Variants in NFIB observed in about 807,000 individuals in gnomAD.
NFIB encodes the protein nuclear factor I B.
NFIB carries 11 observed loss-of-function variants against 61.5 expected under a neutral mutation model. That is an observed-to-expected ratio of 0.18 (90% CI 0.11 to 0.30). The LOEUF (loss-of-function observed/expected upper bound fraction) is 0.30, where lower values mean the gene tolerates loss of function less well. Among genes scored for constraint, NFIB ranks in the 10% least tolerant of loss-of-function variants. The pLI, the probability that NFIB is intolerant of heterozygous loss-of-function variation, is 1.00. For missense variants in NFIB, 471 were observed against 608.9 expected (o/e 0.77, Z 2.38); for synonymous variants, 260 against 216.5 (o/e 1.20, Z -1.76).
chr9:14,415,639 T>C, the NFIB span, among the ~76,000 whole-genome samples: 1 of 152,176 alleles, frequency 6.6e-6, no homozygotes, highest in Non-Finnish European at 1.5e-5. Context: ...ATCTGTTAAT[T>C]AGAGACATGA....
chr9:14,249,132 T>C (rs2055281155), intron 2 of NFIB, among the ~76,000 whole-genome samples: 2 of 152,202 alleles, frequency 1.3e-5, no homozygotes, highest in Non-Finnish European at 2.9e-5. Flanking sequence ...AATAAGAACT[T>C]AGTGATAAGA....
intron 2 of NFIB, among the ~76,000 whole-genome samples, chr9:14,302,980 T>A (rs1173836673): frequency 2.0e-5 from 3 of 152,244 alleles, no homozygotes; most frequent in Non-Finnish European, 2.9e-5. Flanking sequence ...TTTCCCAGTG[T>A]ACAAAATTGT....
chr9:14,272,052 C>A (rs1164296090), intron 2 of NFIB, among the ~76,000 whole-genome samples: 1 of 152,074 alleles, frequency 6.6e-6, no homozygotes, highest in African/African-American at 2.4e-5. Flanking sequence ...ATCCAGTGGC[C>A]ATTAAAAAAT....
intron 1 of NFIB, among the ~76,000 whole-genome samples, chr9:14,367,270 A>G (rs751770552): frequency 2.0e-5 from 3 of 152,168 alleles, no homozygotes; most frequent in Non-Finnish European, 2.9e-5. Context: ...GACAGTTTCC[A>G]TAGTGAACTC....
upstream of NFIB, among the ~76,000 whole-genome samples, chr9:14,318,056 A>G (rs1329588168): frequency 2.6e-5 from 4 of 152,188 alleles, no homozygotes; most frequent in Non-Finnish European, 5.9e-5. Flanking sequence ...GGTTAAAAGC[A>G]CTGGTGTGAC....
chr9:14,447,901 C>T, the NFIB span, among the ~76,000 whole-genome samples: 1 of 152,064 alleles, frequency 6.6e-6, no homozygotes, highest in Non-Finnish European at 1.5e-5. Flanking sequence ...TGCTTTTTCA[C>T]ATATTTAGAC....
the NFIB span, among the ~76,000 whole-genome samples, chr9:14,491,832 G>C: frequency 6.6e-6 from 1 of 151,924 alleles, no homozygotes; most frequent in Non-Finnish European, 1.5e-5. Context: ...TCATAAAGGA[G>C]GCCCAAAATA....
At chr9:14,491,355 CTG>C in the NFIB span, among the ~76,000 whole-genome samples, 1 of 152,002 alleles carries the variant, frequency 6.6e-6, no homozygotes. Flanking sequence ...AACACATAAA[CTG>C]AGGATAAATA....
chr9:14,460,942 G>C, the NFIB span, among the ~76,000 whole-genome samples: 1 of 151,936 alleles, frequency 6.6e-6, no homozygotes, highest in Non-Finnish European at 1.5e-5. Flanking sequence ...TAGGACCCAA[G>C]CTCCACACCA....
At chr9:14,195,443 T>G (rs2048368183) in intron 2 of NFIB, among the ~76,000 whole-genome samples, 1 of 152,268 alleles carries the variant, frequency 6.6e-6, no homozygotes, top group African/African-American at 2.4e-5. Flanking sequence ...TCAAGCTAAT[T>G]TTGTGAGCAC....
chr9:14,248,578 C>CT lies in NFIB; in HGVS notation c.562+58410dup, dbSNP rs2055207789. Among the ~76,000 whole-genome samples, 4 of 152,118 alleles carry CT rather than the reference C, an allele frequency of 2.6e-5. No homozygotes were observed. In the South Asian group the frequency reaches 8.3e-4, roughly 32 times the overall value. On this transcript the variant is annotated intron_variant, in intron 2 of 10. Coordinates refer to ENST00000380953, the MANE Select transcript of NFIB (RefSeq NM_001190737.2). Reference sequence around the variant, plus strand: ...GAGCCACCACGCCCGGCCTCTATTACTTTTTGTTAGTAATAACAATAATTT... The same window carrying CT: ...GAGCCACCACGCCCGGCCTCTATTACTTTTTTGTTAGTAATAACAATAATTT...
intron 1 of NFIB, among the ~76,000 whole-genome samples, chr9:14,329,308 G>A (rs1317407673): frequency 6.6e-6 from 1 of 152,138 alleles, no homozygotes; most frequent in Non-Finnish European, 1.5e-5. Context: ...AGCATGTGGG[G>A]AAGGGGCTTC....
rs144634818 is a variant in NFIB at position 14,396,683 on chromosome 9, C to T, written c.108+1841G>A. Reference sequence around the variant, plus strand: ...TATATTATCCCTCAAAAAGTGGAGACGAAAGGAGAAATTGCTCATTTGTTT... The same window carrying T: ...TATATTATCCCTCAAAAAGTGGAGATGAAAGGAGAAATTGCTCATTTGTTT... On this transcript the variant is annotated intron_variant, in intron 1 of 8. Transcript: ENST00000380934. Among the ~76,000 whole-genome samples the T allele has an allele frequency of 5.6e-4, 85 of 152,136 alleles. 1 individual carries two copies. The highest frequency in any genetic ancestry group is 1.9e-3 in the African/African-American group (78 of 41,490).
At chr9:14,163,315 C>A (rs1244786748) in intron 3 of NFIB, among the ~76,000 whole-genome samples, 1 of 151,760 alleles carries the variant, frequency 6.6e-6, no homozygotes, top group African/African-American at 2.4e-5. Context: ...TAAATCACTA[C>A]AATAAATGTA....
At chr9:14,240,247 C>G (rs1320937483) in intron 2 of NFIB, among the ~76,000 whole-genome samples, 1 of 151,992 alleles carries the variant, frequency 6.6e-6, no homozygotes, top group Non-Finnish European at 1.5e-5. Context: ...GTCCCCATCT[C>G]TCCCTCTCTC....
At chr9:14,212,037 C>T (rs542838127) in intron 2 of NFIB, among the ~76,000 whole-genome samples, 16 of 152,134 alleles carry the variant, frequency 1.1e-4, no homozygotes, top group South Asian at 2.1e-4. Context: ...AATGCAAATA[C>T]GTTGCCATTT....
chr9:14,246,142 A>C (rs186595728), intron 2 of NFIB, among the ~76,000 whole-genome samples: 1 of 151,728 alleles, frequency 6.6e-6, no homozygotes, highest in Non-Finnish European at 1.5e-5. Flanking sequence ...AAGCTCTCTA[A>C]TCAACATGTT....
intron 2 of NFIB, among the ~76,000 whole-genome samples, chr9:14,296,159 T>C (rs1260056395): frequency 1.3e-5 from 2 of 152,252 alleles, no homozygotes; most frequent in Non-Finnish European, 2.9e-5. Flanking sequence ...GTCATTCCTT[T>C]TTTTCACTAC....
At chr9:14,097,625 C>A (rs1475421233) in intron 10 of NFIB, among the ~76,000 whole-genome samples, 1 of 152,136 alleles carries the variant, frequency 6.6e-6, no homozygotes, top group African/African-American at 2.4e-5. Context: ...ACACACACTA[C>A]ATACACACAC....
Sources: allele counts gnomAD v4.1 joint callset (sites outside exome capture counted in the v4.1 genomes callset), GRCh38; gene constraint gnomAD v4.1.1; transcripts MANE v1.5; gene names NCBI Gene and HGNC (gene_info 2026-07-23, HGNC 2026-07-21).